LHX3: variants seen among roughly 807,000 people sequenced by gnomAD.
LHX3 encodes LIM/homeobox protein Lhx3.
In LHX3, 21 loss-of-function variants were observed where a neutral mutation model predicts 32.4. The observed-to-expected ratio is 0.65, with a 90% CI of 0.46 to 0.93. The LOEUF is 0.93. Among genes scored for constraint, LHX3 ranks in the 40% least tolerant of loss-of-function variants. LHX3 has a pLI of 0.00. For missense variants in LHX3, 626 were observed against 560.0 expected (o/e 1.12, Z -1.19); for synonymous variants, 258 against 246.8 (o/e 1.05, Z -0.43).
Position 136,197,423 on chromosome 9 carries a change from G to T in LHX3, c.1096C>A (p.Pro366Thr), listed in dbSNP as rs1831517361. The T allele has an allele frequency of 6.2e-7, 1 of 1,603,132 alleles. No individual in the cohort carries two copies. The highest frequency in any genetic ancestry group is 8.5e-7 in the Non-Finnish European group (1 of 1,176,016). ...CTCCCCGTGGATAGGTCAGAACTGG[G>T]TCCGTTCCCTGCCAGCACCCTCATG... The part of the protein sequence containing the change: ...PPMRVLAGNG[P>T]SSDLSTGSSG... The change falls in exon 6 of 6, where the codon CCC becomes ACC. Residue 366 changes from proline (P) to threonine (T), a missense_variant. Transcript: ENST00000371748.
In LHX3 at chr9:136,205,118, CG is replaced by C. The variant is rs1831727952; in HGVS notation, c.-107del. On this transcript the variant is annotated 5_prime_UTR_variant, in exon 1 of 6. Transcript: ENST00000371748. ...GCCGCGTCGTGCGGGGCAGGGAGCC[CG>C]GGAGCCACTGGGCCTGGCGCTGTCC... 1.0e-6 allele frequency: 1 copy of C among 954,048 alleles called. No individual in the cohort carries two copies. The highest frequency in any genetic ancestry group is 1.5e-6 in the Non-Finnish European group (1 of 669,470). The allele number at this position is 954,048 out of a possible 1,614,324, so 59.1% of individuals were successfully genotyped here. A position where few individuals can be genotyped will look rare whatever the true frequency, so the allele number is the denominator to read the frequency against.
At position 136,197,291 on chromosome 9, in the gene LHX3, C is replaced by A; in HGVS notation, c.*34G>T. 6.2e-7 allele frequency: 1 copy of A among 1,609,610 alleles called. No individual in the cohort carries two copies. The highest frequency in any genetic ancestry group is 8.5e-7 in the Non-Finnish European group (1 of 1,178,936). On this transcript the variant is annotated 3_prime_UTR_variant, in exon 6 of 6. Transcript: ENST00000371748. ...GAGCCGCCCACCCAGGGGCAGCTCC[C>A]TCGTGTGAGGTGCAGGGTGGAGCCG...
At position 136,201,160 on chromosome 9, in the gene LHX3, A is replaced by G. The variant is rs1185280848; in HGVS notation, c.80-407T>C. The G allele has an allele frequency of 5.8e-6, 8 of 1,373,296 alleles. No homozygotes were observed. The East Asian group carries it at 1.6e-4, about 27-fold the overall frequency. The allele number at this position is 1,373,296 out of a possible 1,614,324, so 85.1% of individuals were successfully genotyped here. A position where few individuals can be genotyped will look rare whatever the true frequency, so the allele number is the denominator to read the frequency against. ...AAACATAGGGAAACGGGTCTTCACCATCACCTGGAGCTGGGGCACCCCATC... is the reference window on the plus strand; with the variant it reads ...AAACATAGGGAAACGGGTCTTCACCGTCACCTGGAGCTGGGGCACCCCATC... On this transcript the variant is annotated intron_variant, in intron 1 of 5. Transcript: ENST00000371748.
At chr9:136,198,084 T>C (rs1454795818) in intron 5 of LHX3, among the ~76,000 whole-genome samples, 2 of 152,106 alleles carry the variant, frequency 1.3e-5, no homozygotes, top group African/African-American at 4.8e-5. Flanking sequence ...AGTTCCAGAG[T>C]GGCTGAGTGA....
At chr9:136,200,111 G>C (rs1275978261) in intron 2 of LHX3, 2 of 661,502 alleles carry the variant, frequency 3.0e-6, no homozygotes, top group Non-Finnish European at 2.7e-6. Context: ...ATTGCCTGCA[G>C]GACCCATGCT....
In LHX3 at chr9:136,199,805, G is replaced by A. The variant is rs1477760127; in HGVS notation, c.327C>T (p.Phe109=). The A allele has an allele frequency of 6.2e-7, 1 of 1,612,208 alleles. No homozygotes were observed. The highest frequency in any genetic ancestry group is 1.3e-5 in the African/African-American group (1 of 74,938). ...AGGCAAAGCAGTGCAGGTGGTACAC[G>A]AAGTCCTGGGCGCGGCGCACCACCT... ...PTQVVRRAQD[F]VYHLHCFACV... The change falls in exon 3 of 6, where the codon TTC becomes TTT. Residue 109 remains phenylalanine (F), a synonymous_variant. Coordinates refer to ENST00000371748, the MANE Select transcript of LHX3 (RefSeq NM_178138.6).
chr9:136,200,200 G>T (rs1366319445), intron 2 of LHX3: 3 of 562,328 alleles, frequency 5.3e-6, no homozygotes, highest in Admixed American at 6.2e-5. Context: ...AGCCATGAAG[G>T]CCACTGGGCC....
chr9:136,198,942 G>C lies in LHX3; in HGVS notation c.572C>G (p.Ser191Trp). Residue 191 changes from serine (S) to tryptophan (W), a missense_variant, in exon 4 of 6, where the codon TCG becomes TGG. Transcript: ENST00000371748. ...GCGCATGTCCAGGCCCGTCTCGGAC[G>C]AGAGCTGCTCGCGCACGTGGCGCGC... is the stretch of plus-strand genomic sequence containing the variant. ...KPARHVREQL[S>W]SETGLDMRVV... The C allele has an allele frequency of 6.3e-7, 1 of 1,588,764 alleles. No individual in the cohort carries two copies. The highest frequency in any genetic ancestry group is 8.5e-7 in the Non-Finnish European group (1 of 1,171,834).
chr9:136,204,214 C>T (rs1831707712), intron 1 of LHX3, among the ~76,000 whole-genome samples: 1 of 152,172 alleles, frequency 6.6e-6, no homozygotes, highest in South Asian at 2.1e-4. Context: ...CAGTCCCTCC[C>T]TCCTAGCTCC....
chr9:136,200,789 A>C (rs1471168900), intron 1 of LHX3, 36 bp from the exon 2 acceptor site: 1 of 1,611,544 alleles, frequency 6.2e-7, no homozygotes, highest in African/African-American at 1.3e-5. Context: ...CACCTCGTAG[A>C]CCAGGAGGCA....
chr9:136,197,615 C>T lies in LHX3; in HGVS notation c.904G>A (p.Gly302Ser). 3.2e-6 allele frequency: 5 copies of T among 1,565,872 alleles called. No homozygotes were observed. Among genetic ancestry groups the T allele is most frequent in the Middle Eastern group, 1.7e-4 (1 of 5,768 alleles). The change falls in exon 6 of 6, where the codon GGC becomes AGC. Residue 302 changes from glycine (G) to serine (S), a missense_variant. Coordinates refer to ENST00000371748, the MANE Select transcript of LHX3 (RefSeq NM_178138.6). Reference protein sequence around the residue: ...NFSLEHGGLAGPEQYRELRPG... With the variant: ...NFSLEHGGLASPEQYRELRPG... Reference sequence around the variant, plus strand: ...CGCAGCTCTCGGTACTGCTCTGGGCCTGCCAGGCCTCCATGCTCCAGGGAG... The same window carrying T: ...CGCAGCTCTCGGTACTGCTCTGGGCTTGCCAGGCCTCCATGCTCCAGGGAG...
At chr9:136,204,728 C>T (rs1831717602) in intron 1 of LHX3, among the ~76,000 whole-genome samples, 1 of 152,180 alleles carries the variant, frequency 6.6e-6, no homozygotes, top group African/African-American at 2.4e-5. Flanking sequence ...CCACTCCAAC[C>T]GCTGTCCCGC....
chr9:136,200,675 C>G lies in LHX3; in HGVS notation c.158G>C (p.Ser53Thr), dbSNP rs1831618945. 6.2e-7 allele frequency: 1 copy of G among 1,613,692 alleles called. No homozygotes were observed. The highest frequency in any genetic ancestry group is 1.7e-5 in the Admixed American group (1 of 60,036). The change falls in exon 2 of 6, where the codon AGC (serine) becomes ACC (threonine). Residue 53 changes from serine (S) to threonine (T), a missense_variant. By Grantham distance (58) the Ser-to-Thr change is moderately conservative. Transcript: ENST00000371748. ...GCAGTCGCTGCACTTGAGACACTTG[C>G]TGTGCCAGTGGCGGTCCAGAGCCTT... ...ILKALDRHWH[S>T]KCLKCSDCHT...
chr9:136,199,927 T>G, intron 2 of LHX3, 47 bp from the exon 3 acceptor site: 2 of 1,537,358 alleles, frequency 1.3e-6, no homozygotes, highest in African/African-American at 2.7e-5. Flanking sequence ...GCGAGGCTCA[T>G]TTCGCCCCGA....
intron 1 of LHX3, among the ~76,000 whole-genome samples, chr9:136,202,147 C>T (rs2131038479): frequency 6.6e-6 from 1 of 152,268 alleles, no homozygotes; most frequent in South Asian, 2.1e-4. Flanking sequence ...CCTCCTTCCT[C>T]CCTCCCTCTC....
chr9:136,199,063 C>A lies in LHX3; in HGVS notation c.455-4G>T, dbSNP rs774510225. 9 of 1,520,462 alleles carry A rather than the reference C, an allele frequency of 5.9e-6. No individual in the cohort carries two copies. The highest frequency in any genetic ancestry group is 7.0e-6 in the Non-Finnish European group (8 of 1,139,658). The allele number at this position is 1,520,462 out of a possible 1,614,324, so 94.2% of individuals were successfully genotyped here. A position where few individuals can be genotyped will look rare whatever the true frequency, so the allele number is the denominator to read the frequency against. On this transcript the variant is annotated splice_polypyrimidine_tract_variant and splice_region_variant and intron_variant, in intron 3 of 5. Transcript: ENST00000371748. ...CGCTTGGCCGTGGCCTCGGCCTCTG[C>A]GCGGCGGGCGAGCGGTGAGGCGCGG...
At position 136,200,179 on chromosome 9, in the gene LHX3, C is replaced by G. The variant is rs1037835734; in HGVS notation, c.252-299G>C. The G allele has an allele frequency of 1.1e-4, 60 of 568,878 alleles. 1 individual carries two copies. The highest frequency in any genetic ancestry group is 1.6e-4 in the Non-Finnish European group (52 of 315,740). The allele number at this position is 568,878 out of a possible 1,614,324, so 35.2% of individuals were successfully genotyped here. A position where few individuals can be genotyped will look rare whatever the true frequency, so the allele number is the denominator to read the frequency against. Reference sequence around the variant, plus strand: ...CCCATCTGGGGCCAGTCCCTCACACCCCACAGCTGGAGCCATGAAGGCCAC... The same window carrying G: ...CCCATCTGGGGCCAGTCCCTCACACGCCACAGCTGGAGCCATGAAGGCCAC... On this transcript the variant is annotated intron_variant, in intron 2 of 5. Coordinates refer to ENST00000371748, the MANE Select transcript of LHX3 (RefSeq NM_178138.6).
intron 1 of LHX3, chr9:136,202,827 G>A (rs1419416108): frequency 1.3e-5 from 15 of 1,191,410 alleles, no homozygotes; most frequent in Non-Finnish European, 1.8e-5. Flanking sequence ...GACGTTCCGG[G>A]GTCCTCGCGC....
chr9:136,197,384 G>T lies in LHX3; in HGVS notation c.1135C>A (p.Pro379Thr). The change falls in exon 6 of 6, where the codon CCC (proline) becomes ACC (threonine). Residue 379 changes from proline (P) to threonine (T), a missense_variant. Transcript: ENST00000371748. ...DLSTGSSGGY[P>T]DFPASPASWL... ...GAGGCGGGGCTGGCAGGGAAGTCGG[G>T]GTAACCCCCGCTGCTCCCCGTGGAT... 2 of 1,611,696 alleles carry T rather than the reference G, an allele frequency of 1.2e-6. No homozygotes were observed. The highest frequency in any genetic ancestry group is 1.7e-5 in the Admixed American group (1 of 59,974).
Sources: allele counts gnomAD v4.1 joint callset (sites outside exome capture counted in the v4.1 genomes callset), GRCh38; gene constraint gnomAD v4.1.1; transcripts MANE v1.5; gene names NCBI Gene and HGNC (gene_info 2026-07-23, HGNC 2026-07-21).